DLG3: variants seen among roughly 807,000 people sequenced by gnomAD.
DLG3 encodes the protein discs large MAGUK scaffold protein 3.
A neutral mutation model predicts 64.1 loss-of-function variants in DLG3; 1 was observed. The ratio of observed to expected loss-of-function variants is 0.02; its 90% CI spans 0.01 to 0.07. The LOEUF (loss-of-function observed/expected upper bound fraction) is 0.07. Ranked by LOEUF, DLG3 falls within the 10% of genes least tolerant of loss-of-function variation. The pLI, the probability that DLG3 is intolerant of heterozygous loss-of-function variation, is 1.00. For synonymous variants in DLG3, 245 were observed against 259.8 expected (o/e 0.94, Z 0.55); for missense variants, 429 against 669.5 (o/e 0.64, Z 3.96).
chrX:70,489,104 C>CT lies in DLG3; in HGVS notation c.1521-2994dup, dbSNP rs201596951. Among the ~76,000 whole-genome samples, 378 of 110,185 alleles carry CT rather than the reference C, an allele frequency of 3.4e-3. 3 individuals carry two copies. Among genetic ancestry groups the CT allele is most frequent in the African/African-American group, 0.012 (357 of 30,366 alleles). ...AGTGCTTGATATATCTGCTTCCCCA[C>CT]TTTTTTTTTAATTGGCTTAATGTTT... is the stretch of plus-strand genomic sequence containing the variant. On this transcript the variant is annotated intron_variant, in intron 10 of 18. Coordinates refer to ENST00000374360, the MANE Select transcript of DLG3 (RefSeq NM_021120.4).
At chrX:70,450,988 T>G in intron 6 of DLG3, 2 of 469,990 alleles carry the variant, frequency 4.3e-6, no homozygotes. Context: ...TGCCATAGAG[T>G]CAGCATTGGC....
intron 9 of DLG3, among the ~76,000 whole-genome samples, chrX:70,474,490 A>C (rs183390561): frequency 1.9e-4 from 21 of 110,817 alleles, no homozygotes; most frequent in African/African-American, 6.6e-4. Context: ...GGTGTCGTTT[A>C]CAGTAATGGG....
At position 70,447,667 on chromosome X, in the gene DLG3, C is replaced by G. The variant is rs751531862; in HGVS notation, c.358-1246C>G. ...AGGAGGCTAGAGGTCAGGGAAGGGACAACATAGCCAGAGAAAGGTGGGGGA... is the reference window on the plus strand; with the variant it reads ...AGGAGGCTAGAGGTCAGGGAAGGGAGAACATAGCCAGAGAAAGGTGGGGGA... On this transcript the variant is annotated intron_variant, in intron 1 of 18. Coordinates refer to ENST00000374360, the MANE Select transcript of DLG3 (RefSeq NM_021120.4). Among the ~76,000 whole-genome samples, 10 of 112,082 alleles carry G rather than the reference C, an allele frequency of 8.9e-5. No individual in the cohort carries two copies. The East Asian group carries it at 2.5e-3, about 29-fold the overall frequency.
chrX:70,480,938 G>A (rs1465523807), intron 10 of DLG3, among the ~76,000 whole-genome samples: 3 of 112,423 alleles, frequency 2.7e-5, no homozygotes, highest in Non-Finnish European at 5.6e-5. Flanking sequence ...GATACACTTA[G>A]CTTAACTCTG....
At chrX:70,473,981 T>C (rs777820910) in intron 9 of DLG3, among the ~76,000 whole-genome samples, 2 of 112,057 alleles carry the variant, frequency 1.8e-5, no homozygotes, top group South Asian at 7.4e-4. Context: ...GGTTGTTCAG[T>C]GTCAGGCAGG....
Position 70,504,341 on chromosome X carries a change from T to G in DLG3, c.*2072T>G, listed in dbSNP as rs1311634832. On this transcript the variant is annotated 3_prime_UTR_variant, in exon 19 of 19. Coordinates refer to ENST00000374360, the MANE Select transcript of DLG3 (RefSeq NM_021120.4). Reference sequence around the variant, plus strand: ...GTGTTTCTTCCAAGGAGACATATATTTTTTAATAAACGATAGTTGCAATGA... The same window carrying G: ...GTGTTTCTTCCAAGGAGACATATATGTTTTAATAAACGATAGTTGCAATGA... 8.9e-6 allele frequency: 1 copy of G among 112,542 alleles called. No individual in the cohort carries two copies. The highest frequency in any genetic ancestry group is 3.2e-5 in the African/African-American group (1 of 30,871). The allele number at this position is 112,542 out of a possible 1,213,427, so 9.3% of individuals were successfully genotyped here. A position where few individuals can be genotyped will look rare whatever the true frequency, so the allele number is the denominator to read the frequency against.
At chrX:70,477,214 C>T (rs1027997365) in intron 9 of DLG3, among the ~76,000 whole-genome samples, 1 of 112,648 alleles carries the variant, frequency 8.9e-6, no homozygotes, top group Admixed American at 9.3e-5. Flanking sequence ...AATATATAAA[C>T]AAGTTTCAAG....
At chrX:70,493,236 A>G in intron 12 of DLG3, 1 of 524,275 alleles carries the variant, frequency 1.9e-6, no homozygotes, top group Non-Finnish European at 3.3e-6. Context: ...ATTTAATCTC[A>G]TAGACTCCAT....
intron 9 of DLG3, among the ~76,000 whole-genome samples, chrX:70,457,406 TA>T (rs1357396429): frequency 8.9e-6 from 1 of 111,950 alleles, no homozygotes; most frequent in African/African-American, 3.2e-5. Context: ...ATGAGAGATT[TA>T]AAAAATAGGT....
At chrX:70,499,831 C>T (rs750830615) in intron 15 of DLG3, 46 bp from the exon 16 acceptor site, 154 of 1,170,635 alleles carry the variant, frequency 1.3e-4, no homozygotes, top group Non-Finnish European at 1.6e-4. Context: ...TGGTTTGGGG[C>T]GGATCACTGC....
rs758639012 is a variant in DLG3, at chrX:70,445,573, AG to A, written c.357+21del. On this transcript the variant is annotated intron_variant, in intron 1 of 18. Coordinates refer to ENST00000374360, the MANE Select transcript of DLG3 (RefSeq NM_021120.4). ...GGTATGAGCAGGTATGGACCAGCGG[AG>A]GGGGGAGCGGTGGGGCAACCCAGGA... 4.7e-4 allele frequency: 545 copies of A among 1,168,108 alleles called. No individual in the cohort carries two copies. Among genetic ancestry groups the A allele is most frequent in the Middle Eastern group, 2.1e-3 (9 of 4,260 alleles).
At chrX:70,455,293 C>T (rs1256289398) in intron 9 of DLG3, 3 of 752,682 alleles carry the variant, frequency 4.0e-6, no homozygotes, top group African/African-American at 2.3e-5. Flanking sequence ...GGTCAGGCCC[C>T]CTCGCAGTCC....
chrX:70,465,525 A>G (rs2086870985), intron 9 of DLG3, among the ~76,000 whole-genome samples: 1 of 112,243 alleles, frequency 8.9e-6, no homozygotes, highest in East Asian at 2.8e-4. Context: ...CCTGCATTTA[A>G]AAGTATATTA....
At chrX:70,495,295 A>AT (rs944407767) in intron 12 of DLG3, 113 bp from the exon 13 acceptor site, 6 of 709,378 alleles carry the variant, frequency 8.5e-6, no homozygotes, top group Admixed American at 2.5e-5. Flanking sequence ...CTTTTTCTCT[A>AT]TTTTTTCTCT....
chrX:70,463,323 A>G (rs747657859), intron 9 of DLG3, among the ~76,000 whole-genome samples: 22 of 109,277 alleles, frequency 2.0e-4, no homozygotes, highest in African/African-American at 7.3e-4. Context: ...AATTTTTTAT[A>G]TCTAGTAGAG....
rs370555109 is a variant in DLG3, at chrX:70,450,776, C to T, written c.978C>T (p.Tyr326=). ...HLNDMYAPPD[Y]ASTFTALADN... ...ACGACATGTACGCTCCCCCTGACTA[C>T]GCCAGCAGTACGTACTCATCAGCCC... The change falls in exon 6 of 19, where the codon TAC becomes TAT. Residue 326 remains tyrosine (Y), a synonymous_variant. Coordinates refer to ENST00000374360, the MANE Select transcript of DLG3 (RefSeq NM_021120.4). 13 of 1,209,980 alleles carry T rather than the reference C, an allele frequency of 1.1e-5. No homozygotes were observed. The highest frequency in any genetic ancestry group is 2.3e-4 in the Middle Eastern group (1 of 4,372).
chrX:70,499,310 CT>C, intron 15 of DLG3, 33 bp downstream of exon 15: 2 of 1,027,500 alleles, frequency 1.9e-6, no homozygotes, highest in Non-Finnish European at 2.7e-6. Flanking sequence ...AGGAGTGAGG[CT>C]TGGTGCCCTG....
intron 9 of DLG3, chrX:70,455,606 A>G (rs2086692459): frequency 9.2e-6 from 1 of 109,248 alleles, no homozygotes; most frequent in African/African-American, 3.3e-5. Flanking sequence ...CAGCTCCCTA[A>G]TCCCTTGCCC....
chrX:70,484,445 T>A (rs1417577952), intron 10 of DLG3, among the ~76,000 whole-genome samples: 1 of 112,415 alleles, frequency 8.9e-6, no homozygotes, highest in African/African-American at 3.2e-5. Flanking sequence ...TGGTGGAGCC[T>A]GACTTGGTCT....
Sources: allele counts gnomAD v4.1 joint callset (sites outside exome capture counted in the v4.1 genomes callset), GRCh38; gene constraint gnomAD v4.1.1; transcripts MANE v1.5; gene names NCBI Gene and HGNC (gene_info 2026-07-23, HGNC 2026-07-21).